Variants in KCNJ6 observed in about 807,000 individuals in gnomAD.
KCNJ6 encodes the protein potassium inwardly rectifying channel subfamily J member 6.
In KCNJ6, 9 loss-of-function variants were observed where a neutral mutation model predicts 34.2. That is an observed-to-expected ratio of 0.26 (90% CI 0.16 to 0.46). The LOEUF (loss-of-function observed/expected upper bound fraction) is 0.46, where lower values mean the gene tolerates loss of function less well. Among genes scored for constraint, KCNJ6 ranks in the 20% least tolerant of loss-of-function variants. The pLI is 1.00. For synonymous variants in KCNJ6, 196 were observed against 207.1 expected (o/e 0.95, Z 0.46); for missense variants, 236 against 531.3 (o/e 0.44, Z 5.46).
rs557829146 is a variant in KCNJ6 at position 37,800,669 on chromosome 21, C to A, written c.25+39989G>T. Among the ~76,000 whole-genome samples, 4 of 152,242 alleles carry A rather than the reference C, an allele frequency of 2.6e-5. No individual in the cohort carries two copies. The South Asian group carries it at 8.3e-4, about 32-fold the overall frequency. ...TTATTTCCTGAAGGGCCGCTGATAA[C>A]CCTTGATAAGCATATCATTCTCTCT... On this transcript the variant is annotated intron_variant, in intron 2 of 3. Coordinates refer to ENST00000609713, the MANE Select transcript of KCNJ6 (RefSeq NM_002240.5).
At chr21:37,677,780 C>CCATT (rs2054572481) in intron 3 of KCNJ6, among the ~76,000 whole-genome samples, 1 of 148,664 alleles carries the variant, frequency 6.7e-6, no homozygotes, top group Non-Finnish European at 1.5e-5. Flanking sequence ...GTCCATCCAT[C>CCATT]CATCCATCCA....
At chr21:37,884,785 C>G (rs2055727015) in intron 1 of KCNJ6, among the ~76,000 whole-genome samples, 1 of 152,170 alleles carries the variant, frequency 6.6e-6, no homozygotes, top group African/African-American at 2.4e-5. Context: ...AGAGCTGTGG[C>G]CTGCAGGAAC....
intron 1 of KCNJ6, among the ~76,000 whole-genome samples, chr21:37,851,803 C>T (rs1017563072): frequency 7.3e-5 from 11 of 151,586 alleles, no homozygotes; most frequent in African/African-American, 2.2e-4. Context: ...ATATATATGA[C>T]AAACTTAAGT....
At chr21:37,798,019 T>C (rs186899932) in intron 2 of KCNJ6, among the ~76,000 whole-genome samples, 5 of 152,336 alleles carry the variant, frequency 3.3e-5, no homozygotes, top group Admixed American at 3.3e-4. Flanking sequence ...GCTTCCTAGT[T>C]GATAAGCTAT....
chr21:37,790,087 T>C (rs1448257992), intron 2 of KCNJ6, among the ~76,000 whole-genome samples: 7 of 152,202 alleles, frequency 4.6e-5, no homozygotes, highest in African/African-American at 1.4e-4. Context: ...AGTCTGTCTT[T>C]GATGGGTCAG....
At chr21:37,797,779 T>C (rs946926882) in intron 2 of KCNJ6, among the ~76,000 whole-genome samples, 13 of 152,170 alleles carry the variant, frequency 8.5e-5, no homozygotes, top group African/African-American at 2.7e-4. Context: ...CATCCCACGT[T>C]TGCACCTGGT....
chr21:37,693,298 T>C (rs2054648367), intron 3 of KCNJ6, among the ~76,000 whole-genome samples: 1 of 152,252 alleles, frequency 6.6e-6, no homozygotes, highest in African/African-American at 2.4e-5. Flanking sequence ...CTGCCATCTC[T>C]TGATTCACAT....
chr21:37,609,340 C>T lies in KCNJ6; in HGVS notation c.*15819G>A, dbSNP rs1569428175. The T allele has an allele frequency of 6.6e-6, 1 of 152,162 alleles. No individual in the cohort carries two copies. The highest frequency in any genetic ancestry group is 6.5e-5 in the Admixed American group (1 of 15,270). The allele number at this position is 152,162 out of a possible 1,614,324, so 9.4% of individuals were successfully genotyped here. A position where few individuals can be genotyped will look rare whatever the true frequency, so the allele number is the denominator to read the frequency against. ...AGGTACATAGAAACATGAATGTCCA[C>T]AAACATGCAACCCCCAAACTAGATG... On this transcript the variant is annotated 3_prime_UTR_variant, in exon 4 of 4. Transcript: ENST00000609713.
chr21:37,668,205 C>T (rs982007462), intron 3 of KCNJ6, among the ~76,000 whole-genome samples: 14 of 152,254 alleles, frequency 9.2e-5, no homozygotes, highest in Admixed American at 2.6e-4. Flanking sequence ...GGTCTTCTGC[C>T]TCAGAGCCCT....
intron 3 of KCNJ6, among the ~76,000 whole-genome samples, chr21:37,655,639 T>C (rs1480885436): frequency 6.6e-6 from 1 of 152,178 alleles, no homozygotes; most frequent in African/African-American, 2.4e-5. Context: ...TAAAATTATC[T>C]TCAGTTATGT....
At chr21:37,707,733 G>GTGTGTGTGTGTGTATATGTGTGCA (rs1237113944) in intron 3 of KCNJ6, among the ~76,000 whole-genome samples, 5 of 150,016 alleles carry the variant, frequency 3.3e-5, no homozygotes, top group Admixed American at 1.3e-4. Context: ...ATGTGTGTGT[G>GTGTGTGTGTGTGTATATGTGTGCA]TGAATAATTT....
chr21:37,809,733 C>A (rs532542128), intron 2 of KCNJ6, among the ~76,000 whole-genome samples: 1 of 152,282 alleles, frequency 6.6e-6, no homozygotes, highest in Admixed American at 6.5e-5. Flanking sequence ...GTATCTCAGC[C>A]TCCCTTGTAG....
intron 3 of KCNJ6, among the ~76,000 whole-genome samples, chr21:37,684,136 G>A (rs917128459): frequency 7.5e-6 from 1 of 133,334 alleles, no homozygotes; most frequent in African/African-American, 2.9e-5. Flanking sequence ...AGAAATGTAT[G>A]GTCTCACAGT....
intron 3 of KCNJ6, among the ~76,000 whole-genome samples, chr21:37,676,092 C>T (rs867498878): frequency 6.6e-6 from 1 of 152,192 alleles, no homozygotes; most frequent in Admixed American, 6.5e-5. Context: ...GGAGTGCTGG[C>T]GGAGGGCAGG....
chr21:37,780,585 G>C (rs911286926), intron 2 of KCNJ6, among the ~76,000 whole-genome samples: 1 of 152,046 alleles, frequency 6.6e-6, no homozygotes, highest in African/African-American at 2.4e-5. Context: ...TGGTGGGGGT[G>C]GGGGAGTGCA....
chr21:37,913,843 T>G (rs2055879043), intron 1 of KCNJ6, among the ~76,000 whole-genome samples: 1 of 151,854 alleles, frequency 6.6e-6, no homozygotes, highest in Non-Finnish European at 1.5e-5. Context: ...AATAACAAAC[T>G]TGGTTGGCTG....
chr21:37,664,889 C>G (rs796488291), intron 3 of KCNJ6, among the ~76,000 whole-genome samples: 1 of 149,198 alleles, frequency 6.7e-6, no homozygotes, highest in African/African-American at 2.5e-5. Flanking sequence ...CTCTGCCTCC[C>G]GGTTCACACC....
At chr21:37,842,170 G>A (rs191997326) in intron 1 of KCNJ6, among the ~76,000 whole-genome samples, 2 of 152,306 alleles carry the variant, frequency 1.3e-5, no homozygotes, top group East Asian at 3.9e-4. Context: ...ACGGACAACT[G>A]TAGTGTTCTT....
At chr21:37,879,214 G>A (rs2055694212) in intron 1 of KCNJ6, among the ~76,000 whole-genome samples, 1 of 152,168 alleles carries the variant, frequency 6.6e-6, no homozygotes, top group South Asian at 2.1e-4. Flanking sequence ...TCTAGATAGG[G>A]CCATGGCAGG....
Sources: gnomAD v4.1 joint callset for allele counts (sites outside exome capture counted in the v4.1 genomes callset) on GRCh38, gnomAD v4.1.1 for gene constraint, MANE v1.5 for transcripts, NCBI Gene and HGNC (gene_info 2026-07-23, HGNC 2026-07-21) for gene names.